NBAS: variants seen among roughly 807,000 people sequenced by gnomAD.
NBAS encodes NAG/BC035112 fusion.
NBAS carries 219 observed loss-of-function variants against 302.5 expected under a neutral mutation model. The ratio of observed to expected loss-of-function variants is 0.72; its 90% CI spans 0.65 to 0.81. The LOEUF is 0.81. Among genes scored for constraint, NBAS ranks in the 30% least tolerant of loss-of-function variants. The probability of loss-of-function intolerance (pLI) is 0.00; values close to 1 mark genes in which losing one functional copy is unlikely to be tolerated. For synonymous variants in NBAS, 1,118 were observed against 1,021.6 expected, an observed-to-expected ratio of 1.09 and a Z score of -1.80; for missense variants, 2,932 against 2,841.6, an observed-to-expected ratio of 1.03 and a Z score of -0.72.
the NBAS span, among the ~76,000 whole-genome samples, chr2:14,878,851 G>A: frequency 6.6e-6 from 1 of 152,190 alleles, no homozygotes; most frequent in African/African-American, 2.4e-5. Flanking sequence ...TGCTGTTTGT[G>A]TTGTACATGC....
chr2:14,924,077 C>T, the NBAS span, among the ~76,000 whole-genome samples: 2 of 151,896 alleles, frequency 1.3e-5, no homozygotes, highest in African/African-American at 2.4e-5. Context: ...TCTGCCACCA[C>T]ATCTTCCTTC....
intron 21 of NBAS, among the ~76,000 whole-genome samples, chr2:15,445,122 A>T (rs1263465572): frequency 6.6e-6 from 1 of 151,720 alleles, no homozygotes; most frequent in African/African-American, 2.4e-5. Context: ...CTAGAACTAG[A>T]AATACCATTT....
At chr2:15,423,173 T>C (rs1677294221) in intron 23 of NBAS, among the ~76,000 whole-genome samples, 1 of 152,226 alleles carries the variant, frequency 6.6e-6, no homozygotes, top group Non-Finnish European at 1.5e-5. Flanking sequence ...ACTTTATCTA[T>C]TTATAAAATA....
At chr2:14,807,748 G>T in the NBAS span, among the ~76,000 whole-genome samples, 1 of 152,122 alleles carries the variant, frequency 6.6e-6, no homozygotes, top group African/African-American at 2.4e-5. Flanking sequence ...TCACAGTTCT[G>T]CCATTCAATA....
chr2:15,179,823 C>G (rs1462484429), intron 50 of NBAS: 1 of 152,262 alleles, frequency 6.6e-6, no homozygotes, highest in Non-Finnish European at 1.5e-5. Context: ...AACCTGTGGT[C>G]ACAGAGCAGG....
chr2:15,445,921 T>C (rs1333396529), intron 21 of NBAS, among the ~76,000 whole-genome samples: 1 of 134,414 alleles, frequency 7.4e-6, no homozygotes, highest in Non-Finnish European at 1.7e-5. Flanking sequence ...AAAAAAAAAA[T>C]ACACTGAAGG....
chr2:14,877,445 T>C, the NBAS span, among the ~76,000 whole-genome samples: 1 of 152,188 alleles, frequency 6.6e-6, no homozygotes, highest in Non-Finnish European at 1.5e-5. Context: ...CATTTCTACA[T>C]TGGATAATGT....
the NBAS span, among the ~76,000 whole-genome samples, chr2:14,837,996 G>A: frequency 4.0e-5 from 6 of 151,758 alleles, no homozygotes; most frequent in African/African-American, 1.5e-4. Flanking sequence ...ATGCCATGTT[G>A]ATATTCTCAC....
chr2:15,221,043 C>T (rs897815049), intron 47 of NBAS, among the ~76,000 whole-genome samples: 9 of 152,092 alleles, frequency 5.9e-5, no homozygotes, highest in African/African-American at 1.9e-4. Flanking sequence ...ATAAATTTAG[C>T]AACTCAGTTG....
chr2:15,518,292 C>A (rs1662501967), intron 9 of NBAS, among the ~76,000 whole-genome samples: 1 of 152,068 alleles, frequency 6.6e-6, no homozygotes, highest in Admixed American at 6.6e-5. Flanking sequence ...CTGGGACTTA[C>A]TACTAAAATA....
intron 48 of NBAS, among the ~76,000 whole-genome samples, chr2:15,191,087 AAC>A (rs1665334271): frequency 6.6e-6 from 1 of 152,184 alleles, no homozygotes; most frequent in African/African-American, 2.4e-5. Context: ...TAGGTTAAAA[AAC>A]AGTTTTAAGC....
At position 15,473,299 on chromosome 2, in the gene NBAS, C is replaced by T. The variant is rs571873632; in HGVS notation, c.1648G>A (p.Gly550Ser). Residue 550 changes from glycine to serine, a missense_variant, in exon 16 of 52, where the codon GGC (glycine) becomes AGC (serine). By Grantham distance (56) the Gly-to-Ser change is moderately conservative (BLOSUM62 0). Coordinates refer to ENST00000281513, the MANE Select transcript of NBAS (RefSeq NM_015909.4). The stretch of plus-strand genomic sequence containing the variant: ...TGATATACAAGGTCAGTATCCAGGC[C>T]GTAGGTATGAGCCAAGGACAAGGCT... ...EEALSLAHTY[G>S]LDTDLVYQRQ... The T allele has an allele frequency of 1.9e-6, 3 of 1,614,032 alleles. No individual in the cohort carries two copies. Among genetic ancestry groups the T allele is most frequent in the African/African-American group, 2.7e-5 (2 of 75,016 alleles).
chr2:15,536,459 CAGG>C lies in NBAS; in HGVS notation c.603_605del (p.Leu202del), dbSNP rs796065038. ...TAAGTTCTCCTCGGTAATTGATGAC[CAGG>C]AGTTCTGCAGACCACTGTGCACTTG... On this transcript the variant is annotated inframe_deletion, in exon 8 of 52. Coordinates refer to ENST00000281513, the MANE Select transcript of NBAS (RefSeq NM_015909.4). 6.2e-7 allele frequency: 1 copy of C among 1,613,300 alleles called. No individual in the cohort carries two copies. Among genetic ancestry groups the C allele is most frequent in the Non-Finnish European group, 8.5e-7 (1 of 1,179,904 alleles).
Position 15,171,514 on chromosome 2 carries a change from A to T in NBAS, c.6841-4191T>A, listed in dbSNP as rs575592382. 2.0e-5 allele frequency among the ~76,000 whole-genome samples: 3 copies of T among 152,350 alleles called. No homozygotes were observed. In the South Asian group the frequency reaches 6.2e-4, roughly 32 times the overall value. On this transcript the variant is annotated intron_variant, in intron 51 of 51. Coordinates refer to ENST00000281513, the MANE Select transcript of NBAS (RefSeq NM_015909.4). Reference sequence around the variant, plus strand: ...TGTTATAAGTTATTTGACTTCTATAAATATTTCAGCCATTTTAAGTTGTCT... The same window carrying T: ...TGTTATAAGTTATTTGACTTCTATATATATTTCAGCCATTTTAAGTTGTCT...
At chr2:14,809,761 A>G in the NBAS span, among the ~76,000 whole-genome samples, 36 of 152,172 alleles carry the variant, frequency 2.4e-4, no homozygotes, top group African/African-American at 8.7e-4. Context: ...CCAACAGTTT[A>G]CACCATGGAC....
At chr2:15,054,092 A>G in the NBAS span, among the ~76,000 whole-genome samples, 1 of 152,182 alleles carries the variant, frequency 6.6e-6, no homozygotes, top group African/African-American at 2.4e-5. Flanking sequence ...AGTTCAATGT[A>G]TGTGCGCTTT....
chr2:15,078,018 A>T, the NBAS span, among the ~76,000 whole-genome samples: 33 of 152,274 alleles, frequency 2.2e-4, no homozygotes, highest in African/African-American at 7.5e-4. Context: ...TCTCTGAATC[A>T]TGATTTTGAA....
At chr2:14,931,615 A>T in the NBAS span, among the ~76,000 whole-genome samples, 2 of 152,348 alleles carry the variant, frequency 1.3e-5, 1 homozygote, top group South Asian at 4.1e-4. Context: ...CAGCAACTGA[A>T]CACAAAGGAC....
chr2:15,277,027 G>T lies in NBAS; in HGVS notation c.5213C>A (p.Ala1738Asp). 6.2e-7 allele frequency: 1 copy of T among 1,613,920 alleles called. No individual in the cohort carries two copies. Among genetic ancestry groups the T allele is most frequent in the Non-Finnish European group, 8.5e-7 (1 of 1,179,932 alleles). Residue 1738 changes from alanine to aspartate, a missense_variant, in exon 43 of 52, where the codon GCC becomes GAC. Coordinates refer to ENST00000281513, the MANE Select transcript of NBAS (RefSeq NM_015909.4). Reference protein sequence around the residue: ...LFETLKTDPEAFHQHMVKYIY... With the variant: ...LFETLKTDPEDFHQHMVKYIY... ...ATACTTGACCATGTGCTGGTGAAAG[G>T]CTTCTGGATCAGTCTTCAAAGTCTC...
Sources: gnomAD v4.1 joint callset for allele counts (sites outside exome capture counted in the v4.1 genomes callset) on GRCh38, gnomAD v4.1.1 for gene constraint, MANE v1.5 for transcripts, NCBI Gene and HGNC (gene_info 2026-07-23, HGNC 2026-07-21) for gene names.